MAP3K2: variants seen among roughly 807,000 people sequenced by gnomAD.
The protein encoded by MAP3K2 is mitogen-activated protein kinase kinase kinase 2.
MAP3K2 carries 24 observed loss-of-function variants against 80.3 expected under a neutral mutation model. That is an observed-to-expected ratio of 0.30 (90% confidence interval 0.22 to 0.42). The LOEUF is 0.42. Among genes scored for constraint, MAP3K2 ranks in the 10% least tolerant of loss-of-function variants. The pLI, the probability that MAP3K2 is intolerant of heterozygous loss-of-function variation, is 1.00. For missense variants in MAP3K2, 608 were observed against 750.1 expected, an observed-to-expected ratio of 0.81 and a Z score of 2.21; for synonymous variants, 244 against 253.7, an observed-to-expected ratio of 0.96 and a Z score of 0.36.
chr2:127,359,167 T>C (rs191957299), intron 1 of MAP3K2, among the ~76,000 whole-genome samples: 4 of 152,246 alleles, frequency 2.6e-5, no homozygotes, highest in African/African-American at 9.6e-5. Flanking sequence ...CCCCAGAATA[T>C]ACAACAGAGT....
chr2:127,345,575 A>G (rs892380765), intron 1 of MAP3K2, among the ~76,000 whole-genome samples: 6 of 152,202 alleles, frequency 3.9e-5, no homozygotes, highest in Non-Finnish European at 5.9e-5. Context: ...CAGAATATAC[A>G]CTCTTCTCAA....
rs57472022 is a variant in MAP3K2, at chr2:127,319,650, C to CAAAAAAAAAAAAAAA, written c.1046-1348_1046-1334dup. 1.4e-3 allele frequency among the ~76,000 whole-genome samples: 98 copies of CAAAAAAAAAAAAAAA among 71,830 alleles called. 3 individuals are homozygous for CAAAAAAAAAAAAAAA. The highest frequency in any genetic ancestry group is 2.0e-3 in the African/African-American group (34 of 17,376). 47.1% of individuals were successfully genotyped at this position (71,830 alleles called of 152,430 possible). A position where few individuals can be genotyped will look rare whatever the true frequency, so the allele number is the denominator to read the frequency against. On this transcript the variant is annotated intron_variant, in intron 12 of 16. Coordinates refer to ENST00000682094, the MANE Select transcript of MAP3K2 (RefSeq NM_001371910.2). ...TGAAACCCCATCTCTACTAAAAATACAAAAAAAAAAAAAAAAAAAAAAAAA... is the reference window on the plus strand; with the variant it reads ...TGAAACCCCATCTCTACTAAAAATACAAAAAAAAAAAAAAAAAAAAAAAAAAAAAAAAAAAAAAAA...
chr2:127,384,776 C>T (rs543933682), intron 1 of MAP3K2, among the ~76,000 whole-genome samples: 1 of 152,102 alleles, frequency 6.6e-6, no homozygotes. Context: ...ACTCTCCCTG[C>T]TTCAGCTTCC....
In MAP3K2 at chr2:127,322,121, T is replaced by C; in HGVS notation, c.970A>G (p.Ser324Gly). ...SSIFTPEYDD[S>G]RIRRRGSDID... ...TCACTTCCCCTTCTTCTTATTCGAC[T>C]ATCATCATACTCTGGGGTAAAGATA... is the stretch of plus-strand genomic sequence containing the variant. Residue 324 changes from serine (S) to glycine (G), a missense_variant, in exon 12 of 17, where the codon AGT (serine) becomes GGT (glycine). This residue lies in a region of MAP3K2 where 467 missense variants were observed against 521.9 expected (regional missense o/e 0.89). Coordinates refer to ENST00000682094, the MANE Select transcript of MAP3K2 (RefSeq NM_001371910.2). This position sits in a 1 kb window ranked among gnomAD's most constrained non-coding sequence, Gnocchi z 4.2. 1 of 1,613,900 alleles carries C rather than the reference T, an allele frequency of 6.2e-7. No individual in the cohort carries two copies. Among genetic ancestry groups the C allele is most frequent in the Non-Finnish European group, 8.5e-7 (1 of 1,179,834 alleles).
rs879433082 is a variant in MAP3K2, at chr2:127,387,939, C to A, written c.-553G>T. ...CCTCGTCAGGCGCCGCCGCTGAGGG[C>A]AGGCAGCCCGGCAGCCACTACACAC... On this transcript the variant is annotated 5_prime_UTR_variant, in exon 1 of 17. Transcript: ENST00000682094. 1.8e-5 allele frequency: 18 copies of A among 984,724 alleles called. No individual in the cohort carries two copies. The highest frequency in any genetic ancestry group is 7.0e-5 in the African/African-American group (4 of 57,158). 61.0% of individuals were successfully genotyped at this position (984,724 alleles called of 1,614,324 possible).
At chr2:127,351,422 T>G (rs1268888483) in intron 1 of MAP3K2, among the ~76,000 whole-genome samples, 1 of 152,124 alleles carries the variant, frequency 6.6e-6, no homozygotes, top group Non-Finnish European at 1.5e-5. Flanking sequence ...GGAACTTATT[T>G]CAGAAGAAAA....
Position 127,322,434 on chromosome 2 carries a change from T to A in MAP3K2, c.839-182A>T, listed in dbSNP as rs185288423. On this transcript the variant is annotated intron_variant, in intron 11 of 16. Transcript: ENST00000682094. This position sits in a 1 kb window ranked among gnomAD's most constrained non-coding sequence, Gnocchi z 4.2. Reference sequence around the variant, plus strand: ...GAATACAAATTCAAATAATCTCTTATGATAAAACATGTATGAGTGTGCACA... The same window carrying A: ...GAATACAAATTCAAATAATCTCTTAAGATAAAACATGTATGAGTGTGCACA... Among the ~76,000 whole-genome samples, 355 of 152,268 alleles carry A rather than the reference T, an allele frequency of 2.3e-3. 1 individual carries two copies. Among genetic ancestry groups the A allele is most frequent in the African/African-American group, 7.7e-3 (322 of 41,558 alleles).
chr2:127,320,358 A>G (rs1487214946), intron 12 of MAP3K2, among the ~76,000 whole-genome samples: 1 of 152,208 alleles, frequency 6.6e-6, no homozygotes, highest in Non-Finnish European at 1.5e-5. Flanking sequence ...AATTCCTTCA[A>G]CAGGATCATA....
At chr2:127,313,642 C>T (rs1057137755) in intron 15 of MAP3K2, among the ~76,000 whole-genome samples, 10 of 152,164 alleles carry the variant, frequency 6.6e-5, no homozygotes, top group African/African-American at 2.2e-4. Context: ...TACACATTTA[C>T]AGTAATACAT....
intron 1 of MAP3K2, among the ~76,000 whole-genome samples, chr2:127,368,196 C>A (rs368618830): frequency 6.6e-6 from 1 of 151,980 alleles, no homozygotes; most frequent in African/African-American, 2.4e-5. Flanking sequence ...GTGGTGTGCC[C>A]CTGTAGTCCC....
intron 5 of MAP3K2, 39 bp downstream of exon 5, chr2:127,335,831 G>T: frequency 8.9e-7 from 1 of 1,121,242 alleles, no homozygotes; most frequent in Non-Finnish European, 1.3e-6. Context: ...CATTACTTTT[G>T]AAGGTAAGAT....
At chr2:127,379,342 T>C (rs1338256851) in intron 1 of MAP3K2, among the ~76,000 whole-genome samples, 2 of 152,186 alleles carry the variant, frequency 1.3e-5, no homozygotes, top group Non-Finnish European at 2.9e-5. Flanking sequence ...CTAGGCACCG[T>C]CCTAAACATA....
intron 15 of MAP3K2, among the ~76,000 whole-genome samples, chr2:127,309,898 A>T (rs1015966149): frequency 4.6e-5 from 7 of 152,156 alleles, no homozygotes; most frequent in African/African-American, 1.7e-4. Flanking sequence ...TCCACTGTAA[A>T]GTCATTCTCC....
rs925195654 is a variant in MAP3K2 at position 127,305,291 on chromosome 2, G to T, written c.*2288C>A. On this transcript the variant is annotated 3_prime_UTR_variant, in exon 17 of 17. Coordinates refer to ENST00000682094, the MANE Select transcript of MAP3K2 (RefSeq NM_001371910.2). ...AGAAAAGATGCCCTCATTCATAAAA[G>T]ATAAAGAAATTATAATAGATCCACA... is the stretch of plus-strand genomic sequence containing the variant. The T allele has an allele frequency of 1.3e-5, 2 of 152,100 alleles. No individual in the cohort carries two copies. The highest frequency in any genetic ancestry group is 2.9e-5 in the Non-Finnish European group (2 of 67,908). The allele number at this position is 152,100 out of a possible 1,614,324, so 9.4% of individuals were successfully genotyped here.
At chr2:127,341,016 T>G (rs778853416) in intron 2 of MAP3K2, among the ~76,000 whole-genome samples, 9 of 152,046 alleles carry the variant, frequency 5.9e-5, no homozygotes, top group Non-Finnish European at 1.0e-4. Flanking sequence ...GGGAGATGGA[T>G]TCTCGCTCTA....
chr2:127,325,009 G>A (rs1302392417), intron 9 of MAP3K2, among the ~76,000 whole-genome samples: 1 of 152,152 alleles, frequency 6.6e-6, no homozygotes, highest in Non-Finnish European at 1.5e-5. Flanking sequence ...CTAATCTGGT[G>A]CCAGAATGAA....
At chr2:127,347,345 A>G (rs1400939227) in intron 1 of MAP3K2, among the ~76,000 whole-genome samples, 2 of 152,140 alleles carry the variant, frequency 1.3e-5, no homozygotes, top group African/African-American at 4.8e-5. Context: ...AACCTAAGAA[A>G]CAAACAAAAA....
At position 127,307,659 on chromosome 2, in the gene MAP3K2, G is replaced by A; in HGVS notation, c.1780C>T (p.Leu594Phe). Residue 594 changes from leucine to phenylalanine, a missense_variant, in exon 17 of 17, where the codon CTC (leucine) becomes TTC (phenylalanine). By Grantham distance (22) the Leu-to-Phe change is conservative. This residue lies in a region of MAP3K2 where 42 missense variants were observed against 53.7 expected (regional missense o/e 0.78). Coordinates refer to ENST00000682094, the MANE Select transcript of MAP3K2 (RefSeq NM_001371910.2). The surrounding 1 kb of genome is among the most constrained non-coding windows in gnomAD (Gnocchi z 5.4). ...PHVSDYTRDF[L>F]KRIFVEAKLR... ...TTGGCCTCTACAAAAATCCGTTTGA[G>A]GAAATCTCGAGTATAGTCTGAGACA... 6.3e-7 allele frequency: 1 copy of A among 1,592,162 alleles called. No individual in the cohort carries two copies. The highest frequency in any genetic ancestry group is 8.6e-7 in the Non-Finnish European group (1 of 1,168,568).
chr2:127,350,454 C>CCAA (rs1686671595), intron 1 of MAP3K2, among the ~76,000 whole-genome samples: 1 of 99,426 alleles, frequency 1.0e-5, no homozygotes, highest in Non-Finnish European at 2.0e-5. Context: ...AAAACAAAAA[C>CCAA]AAAAAAAAAA....
Sources: gnomAD v4.1 joint callset for allele counts (sites outside exome capture counted in the v4.1 genomes callset) on GRCh38, gnomAD v4.1.1 for gene constraint, gnomAD v4.1.1 regional missense constraint, Gnocchi (gnomAD v3.1) non-coding constraint, MANE v1.5 for transcripts, NCBI Gene and HGNC (gene_info 2026-07-23, HGNC 2026-07-21) for gene names.